UNC13A: variants seen among roughly 807,000 people sequenced by gnomAD.
UNC13A encodes protein unc-13 homolog A.
A neutral mutation model predicts 219.7 loss-of-function variants in UNC13A; 61 were observed. That is an observed-to-expected ratio of 0.28 (90% CI 0.23 to 0.34). UNC13A has a LOEUF of 0.34. Among genes scored for constraint, UNC13A ranks in the 10% least tolerant of loss-of-function variants. The probability of loss-of-function intolerance (pLI) is 1.00; values close to 1 mark genes in which losing one functional copy is unlikely to be tolerated. For synonymous variants in UNC13A, 920 were observed against 884.6 expected (o/e 1.04, Z -0.71); for missense variants, 1,476 against 2,270.3 (o/e 0.65, Z 7.11).
chr19:17,606,884 CCGCCTCCCGCATG>C (rs1405190559), intron 43 of UNC13A, among the ~76,000 whole-genome samples: 1 of 150,626 alleles, frequency 6.6e-6, no homozygotes, highest in Non-Finnish European at 1.5e-5. Flanking sequence ...ATGGGTGACA[CCGCCTCCCGCATG>C]CCCCTCACCT....
chr19:17,641,282 C>T (rs375103294), intron 21 of UNC13A, 111 bp downstream of exon 21: 229 of 1,391,842 alleles, frequency 1.6e-4, no homozygotes, highest in East Asian at 1.5e-3. Context: ...ACCACCACCA[C>T]GCCCACTTCC....
chr19:17,638,275 C>T (rs2076931895), intron 25 of UNC13A, among the ~76,000 whole-genome samples: 1 of 151,158 alleles, frequency 6.6e-6, no homozygotes, highest in Non-Finnish European at 1.5e-5. Flanking sequence ...AGGAGATCAG[C>T]CTGGGCAACA....
At chr19:17,666,799 C>A in intron 6 of UNC13A, 95 bp from the exon 7 acceptor site, 1 of 894,700 alleles carries the variant, frequency 1.1e-6, no homozygotes. Context: ...CCCGACTTCC[C>A]TCTACCTCCC....
chr19:17,630,008 A>C, intron 30 of UNC13A, 137 bp downstream of exon 30: 1 of 1,027,412 alleles, frequency 9.7e-7, no homozygotes, highest in Non-Finnish European at 1.4e-6. Context: ...CTCAACCCAA[A>C]CTCCAACTTC....
intron 43 of UNC13A, among the ~76,000 whole-genome samples, chr19:17,606,729 C>T (rs1454004511): frequency 2.0e-5 from 3 of 152,132 alleles, no homozygotes; most frequent in African/African-American, 4.8e-5. Context: ...CACGGCCCTG[C>T]CCCTAATGTC....
rs1189956342 is a variant in UNC13A at position 17,649,823 on chromosome 19, CTAATA to C, written c.1440-241_1440-237del. 2.0e-5 allele frequency among the ~76,000 whole-genome samples: 3 copies of C among 152,120 alleles called. No homozygotes were observed. The highest frequency in any genetic ancestry group is 7.2e-5 in the African/African-American group (3 of 41,420). The stretch of plus-strand genomic sequence containing the variant: ...TACTGGAGTAGGGTAGACACTTAAT[CTAATA>C]TGACTGGTGTCCTTAGAAGAAGAGA... On this transcript the variant is annotated intron_variant, in intron 12 of 43. Coordinates refer to ENST00000519716, the MANE Select transcript of UNC13A (RefSeq NM_001080421.3). The surrounding 1 kb of genome is among the most constrained non-coding windows in gnomAD (Gnocchi z 4.4).
intron 25 of UNC13A, among the ~76,000 whole-genome samples, chr19:17,637,154 T>G (rs2076920475): frequency 6.6e-6 from 1 of 151,980 alleles, no homozygotes; most frequent in African/African-American, 2.4e-5. Flanking sequence ...TTTGTATATT[T>G]TGCAAAGATA....
intron 8 of UNC13A, among the ~76,000 whole-genome samples, chr19:17,662,390 T>C (rs1230960620): frequency 6.6e-6 from 1 of 152,084 alleles, no homozygotes; most frequent in African/African-American, 2.4e-5. Context: ...ACTGTCTAAT[T>C]GCAGGAAAAC....
At chr19:17,646,521 C>G (rs1674786438) in intron 17 of UNC13A, among the ~76,000 whole-genome samples, 5 of 152,118 alleles carry the variant, frequency 3.3e-5, no homozygotes, top group Admixed American at 3.3e-4. Flanking sequence ...CTCAGCCTCC[C>G]AAAGTGCTGG....
In UNC13A at chr19:17,641,563, C is replaced by T. The variant is rs2076970051; in HGVS notation, c.2473-7G>A. 2 of 1,613,650 alleles carry T rather than the reference C, an allele frequency of 1.2e-6. No individual in the cohort carries two copies. Among genetic ancestry groups the T allele is most frequent in the South Asian group, 1.1e-5 (1 of 91,074 alleles). On this transcript the variant is annotated splice_region_variant and splice_polypyrimidine_tract_variant and intron_variant, in intron 20 of 43. Transcript: ENST00000519716. Reference sequence around the variant, plus strand: ...TCACGAAGTGGAACAGGTTCTGCCACCATGGGAGAGAAAGTGTCATGGAGA... The same window carrying T: ...TCACGAAGTGGAACAGGTTCTGCCATCATGGGAGAGAAAGTGTCATGGAGA...
intron 43 of UNC13A, among the ~76,000 whole-genome samples, chr19:17,606,647 C>T (rs1248125034): frequency 1.3e-5 from 2 of 152,086 alleles, no homozygotes; most frequent in African/African-American, 4.8e-5. Context: ...CCCTCAGACA[C>T]CGCCCTGCAA....
chr19:17,673,357 C>CATAAA (rs2079829271), intron 3 of UNC13A, among the ~76,000 whole-genome samples: 1 of 102,774 alleles, frequency 9.7e-6, no homozygotes, highest in African/African-American at 3.6e-5. Flanking sequence ...AACTCAGTCT[C>CATAAA]AAAAAAAAAA....
In UNC13A at chr19:17,629,225, GCC is replaced by G; in HGVS notation, c.3753+13_3753+14del. 1 of 1,598,708 alleles carries G rather than the reference GCC, an allele frequency of 6.3e-7. No individual in the cohort carries two copies. Among genetic ancestry groups the G allele is most frequent in the Non-Finnish European group, 8.5e-7 (1 of 1,173,162 alleles). On this transcript the variant is annotated intron_variant, in intron 31 of 43. Coordinates refer to ENST00000519716, the MANE Select transcript of UNC13A (RefSeq NM_001080421.3). Reference sequence around the variant, plus strand: ...GGCTGAGGAGGGAGATAGGTCAGGGGCCCCCTCAGGTCACCACTTTCTCCTTC... The same window carrying G: ...GGCTGAGGAGGGAGATAGGTCAGGGGCCCTCAGGTCACCACTTTCTCCTTC...
At chr19:17,648,732 G>A (rs961561417) in intron 15 of UNC13A, 82 bp from the exon 16 acceptor site, 208 of 1,549,066 alleles carry the variant, frequency 1.3e-4, no homozygotes, top group Non-Finnish European at 1.8e-4. Flanking sequence ...CCATCACTGA[G>A]CGCGGTAAAG....
chr19:17,614,074 C>G (rs570832848), intron 41 of UNC13A: 4 of 151,364 alleles, frequency 2.6e-5, no homozygotes, highest in Admixed American at 2.0e-4. Context: ...GGCACCATCT[C>G]GGCTCACTGC....
intron 1 of UNC13A, among the ~76,000 whole-genome samples, chr19:17,684,915 G>A (rs1024917373): frequency 1.3e-5 from 2 of 152,166 alleles, no homozygotes; most frequent in African/African-American, 4.8e-5. Context: ...CACACATATT[G>A]ATGTTTGCAT....
intron 41 of UNC13A, among the ~76,000 whole-genome samples, chr19:17,612,572 G>A (rs1214955964): frequency 6.6e-6 from 1 of 152,172 alleles, no homozygotes; most frequent in Non-Finnish European, 1.5e-5. Context: ...TGTCGGCAGG[G>A]CGCGGTGGCT....
At chr19:17,639,390 T>TAG in intron 24 of UNC13A, 46 bp downstream of exon 24, 1 of 1,591,022 alleles carries the variant, frequency 6.3e-7, no homozygotes, top group Non-Finnish European at 8.6e-7. Flanking sequence ...CTGGGGATCC[T>TAG]AGAGAACCCT....
chr19:17,655,263 G>T lies in UNC13A; in HGVS notation c.1392+11C>A, dbSNP rs150120566. On this transcript the variant is annotated intron_variant, in intron 11 of 43. Transcript: ENST00000519716. ...AAGTGTGGCAGGGGCATGGCTGGGCGTGTCACTCACCTCCTGCAGCTGCAT... is the reference window on the plus strand; with the variant it reads ...AAGTGTGGCAGGGGCATGGCTGGGCTTGTCACTCACCTCCTGCAGCTGCAT... 2.6e-6 allele frequency: 4 copies of T among 1,556,940 alleles called. No homozygotes were observed. The highest frequency in any genetic ancestry group is 3.5e-6 in the Non-Finnish European group (4 of 1,153,544).
Sources: gnomAD v4.1 joint callset for allele counts (sites outside exome capture counted in the v4.1 genomes callset) on GRCh38, gnomAD v4.1.1 for gene constraint, Gnocchi (gnomAD v3.1) non-coding constraint, MANE v1.5 for transcripts, NCBI Gene and HGNC (gene_info 2026-07-23, HGNC 2026-07-21) for gene names.